The following SRD5A2 variants were observed in gnomAD, a reference collection of about 807,000 sequenced individuals.
The protein encoded by SRD5A2 is 3-oxo-5-alpha-steroid 4-dehydrogenase 2.
In SRD5A2, 30 loss-of-function variants were observed where a neutral mutation model predicts 27.4. That is an observed-to-expected ratio of 1.10 (90% CI 0.82 to 1.49). SRD5A2 has a LOEUF of 1.49. Ranked by LOEUF, SRD5A2 falls within the 40% of genes most tolerant of loss-of-function variation. The pLI, the probability that SRD5A2 is intolerant of heterozygous loss-of-function variation, is 0.00. For synonymous variants in SRD5A2, 141 were observed against 133.6 expected (o/e 1.06, Z -0.38); for missense variants, 348 against 323.4 (o/e 1.08, Z -0.58).
chr2:31,556,852 C>A (rs1666505084), intron 1 of SRD5A2, among the ~76,000 whole-genome samples: 1 of 152,104 alleles, frequency 6.6e-6, no homozygotes, highest in Non-Finnish European at 1.5e-5. Flanking sequence ...GTTCAGACAT[C>A]CAGTAAGGGA....
chr2:31,586,698 C>T, the SRD5A2 span, among the ~76,000 whole-genome samples: 1 of 152,120 alleles, frequency 6.6e-6, no homozygotes, highest in African/African-American at 2.4e-5. Context: ...GATTGTGGTA[C>T]CCTCTAAAGC....
intron 1 of SRD5A2, among the ~76,000 whole-genome samples, chr2:31,548,488 A>G (rs765534055): frequency 6.6e-6 from 1 of 152,214 alleles, no homozygotes; most frequent in Non-Finnish European, 1.5e-5. Context: ...GATGCTCAAC[A>G]TCACTAATCT....
At chr2:31,610,969 C>T in the SRD5A2 span, among the ~76,000 whole-genome samples, 3 of 151,952 alleles carry the variant, frequency 2.0e-5, no homozygotes, top group Non-Finnish European at 2.9e-5. Context: ...ATTAGCCAGG[C>T]CTGGTGGCGA....
At chr2:31,574,092 G>A (rs766925698) in intron 1 of SRD5A2, among the ~76,000 whole-genome samples, 11 of 152,296 alleles carry the variant, frequency 7.2e-5, no homozygotes, top group African/African-American at 1.4e-4. Context: ...GTGGCCTGGC[G>A]GGGGCCCGTG....
intron 1 of SRD5A2, among the ~76,000 whole-genome samples, chr2:31,575,918 T>C (rs1390671186): frequency 1.3e-5 from 2 of 152,232 alleles, no homozygotes; most frequent in African/African-American, 4.8e-5. Context: ...CCAAGACTTC[T>C]TGGGAAAGTG....
chr2:31,530,844 T>G (rs1201623364), intron 3 of SRD5A2, among the ~76,000 whole-genome samples: 1 of 152,182 alleles, frequency 6.6e-6, no homozygotes, highest in Non-Finnish European at 1.5e-5. Context: ...TCTCCAAAAA[T>G]GCACTTGTGC....
intron 1 of SRD5A2, among the ~76,000 whole-genome samples, chr2:31,552,221 T>C (rs191528837): frequency 1.4e-5 from 2 of 147,754 alleles, no homozygotes; most frequent in Admixed American, 1.4e-4. Flanking sequence ...GCATCCTAGA[T>C]GAGCACAAAA....
intron 1 of SRD5A2, among the ~76,000 whole-genome samples, chr2:31,554,215 G>A (rs115675132): frequency 1.2e-3 from 176 of 152,070 alleles, no homozygotes; most frequent in Middle Eastern, 3.4e-3. Flanking sequence ...AAAAAGACCC[G>A]GGTATCTTTC....
At chr2:31,624,561 A>T in the SRD5A2 span, among the ~76,000 whole-genome samples, 16 of 151,796 alleles carry the variant, frequency 1.1e-4, no homozygotes, top group Admixed American at 1.1e-3. Flanking sequence ...CCTGTGTCTA[A>T]GTGTTCTCAT....
At chr2:31,538,003 A>AT (rs1666059873) in intron 1 of SRD5A2, among the ~76,000 whole-genome samples, 1 of 152,150 alleles carries the variant, frequency 6.6e-6, no homozygotes, top group African/African-American at 2.4e-5. Flanking sequence ...CTCTTTGTAA[A>AT]TTACCCAGTC....
chr2:31,617,245 G>C, the SRD5A2 span, among the ~76,000 whole-genome samples: 1 of 152,196 alleles, frequency 6.6e-6, no homozygotes, highest in African/African-American at 2.4e-5. Context: ...ACATCTGAAA[G>C]CCTGAGCTGT....
intron 1 of SRD5A2, among the ~76,000 whole-genome samples, chr2:31,553,770 G>A (rs1325605588): frequency 2.0e-5 from 3 of 152,156 alleles, no homozygotes; most frequent in Non-Finnish European, 4.4e-5. Context: ...AATATTAGCT[G>A]TCTGTGGTCC....
the SRD5A2 span, among the ~76,000 whole-genome samples, chr2:31,605,726 G>A: frequency 7.3e-5 from 11 of 151,374 alleles, no homozygotes; most frequent in East Asian, 7.8e-4. Flanking sequence ...CCACTATGGC[G>A]AGTAGTTTGG....
chr2:31,601,975 G>T, the SRD5A2 span, among the ~76,000 whole-genome samples: 1 of 152,042 alleles, frequency 6.6e-6, no homozygotes, highest in African/African-American at 2.4e-5. Context: ...AAAGCTGGAA[G>T]CATTCCCCTT....
At chr2:31,649,999 A>T in the SRD5A2 span, among the ~76,000 whole-genome samples, 1 of 152,172 alleles carries the variant, frequency 6.6e-6, no homozygotes, top group Non-Finnish European at 1.5e-5. Flanking sequence ...GATTAATTAC[A>T]GGTAAAGCTC....
chr2:31,580,956 G>A, upstream of SRD5A2: 2 of 1,545,970 alleles, frequency 1.3e-6, no homozygotes, highest in Non-Finnish European at 1.7e-6. Flanking sequence ...CGCGGCCCCC[G>A]CAACCCCTTT....
intron 1 of SRD5A2, among the ~76,000 whole-genome samples, chr2:31,536,942 T>C (rs1273399076): frequency 6.6e-6 from 1 of 152,236 alleles, no homozygotes; most frequent in Admixed American, 6.5e-5. Context: ...ATAAGTACTC[T>C]GTAAATATAA....
chr2:31,642,752 A>G, the SRD5A2 span, among the ~76,000 whole-genome samples: 1 of 152,078 alleles, frequency 6.6e-6, no homozygotes, highest in African/African-American at 2.4e-5. Flanking sequence ...ACCTAAAACT[A>G]TAAACAACCC....
intron 1 of SRD5A2, among the ~76,000 whole-genome samples, chr2:31,541,996 A>T (rs1179165122): frequency 4.6e-5 from 7 of 152,190 alleles, no homozygotes; most frequent in Non-Finnish European, 8.8e-5. Flanking sequence ...AACAAACTTG[A>T]GAGGCAGTCT....
Sources: gnomAD v4.1 joint callset for allele counts (sites outside exome capture counted in the v4.1 genomes callset) on GRCh38, gnomAD v4.1.1 for gene constraint, MANE v1.5 for transcripts, NCBI Gene and HGNC (gene_info 2026-07-23, HGNC 2026-07-21) for gene names.